The following GAB1 variants were observed in gnomAD, a reference collection of about 807,000 sequenced individuals.
GAB1 encodes the protein GRB2-associated-binding protein 1.
GAB1 carries 19 observed loss-of-function variants against 66.5 expected under a neutral mutation model. The ratio of observed to expected loss-of-function variants is 0.29; its 90% CI spans 0.20 to 0.42. The LOEUF (loss-of-function observed/expected upper bound fraction) is 0.42, where lower values mean the gene tolerates loss of function less well. GAB1 is among the 10% of genes least tolerant of loss of function. GAB1 has a pLI of 1.00. For synonymous variants in GAB1, 294 were observed against 301.4 expected (o/e 0.98, Z 0.25); for missense variants, 732 against 858.5 (o/e 0.85, Z 1.84).
chr4:143,358,066 G>A lies in GAB1; in HGVS notation c.72+20806G>A, dbSNP rs17738451. Among the ~76,000 whole-genome samples, 434 of 152,158 alleles carry A rather than the reference G, an allele frequency of 2.9e-3. 1 individual carries two copies. The highest frequency in any genetic ancestry group is 4.5e-3 in the Non-Finnish European group (306 of 67,986). ...AGAACCTAGGAAAGAACTCCGGTACGTTAAACCAAGCCCTAAATTTTCAAC... is the reference window on the plus strand; with the variant it reads ...AGAACCTAGGAAAGAACTCCGGTACATTAAACCAAGCCCTAAATTTTCAAC... On this transcript the variant is annotated intron_variant, in intron 1 of 9. Coordinates refer to ENST00000262994, the MANE Select transcript of GAB1 (RefSeq NM_002039.4).
At chr4:143,345,936 CA>C (rs1294553960) in intron 1 of GAB1, among the ~76,000 whole-genome samples, 3 of 152,170 alleles carry the variant, frequency 2.0e-5, no homozygotes, top group Non-Finnish European at 2.9e-5. Context: ...CTACATTCCC[CA>C]GGCTGGTCTT....
intron 1 of GAB1, among the ~76,000 whole-genome samples, chr4:143,342,744 G>T (rs1376509180): frequency 6.6e-6 from 1 of 151,370 alleles, no homozygotes; most frequent in Non-Finnish European, 1.5e-5. Context: ...TGTATTTTTA[G>T]TAGAGATGGG....
chr4:143,457,308 A>T (rs1001513906), intron 6 of GAB1, among the ~76,000 whole-genome samples: 1 of 152,184 alleles, frequency 6.6e-6, no homozygotes. Context: ...TATTCTACAA[A>T]TTTTTTATTT....
At chr4:143,467,694 T>G in intron 9 of GAB1, among the ~76,000 whole-genome samples, 1 of 152,188 alleles carries the variant, frequency 6.6e-6, no homozygotes, top group East Asian at 1.9e-4. Context: ...CTATTTGTAT[T>G]TGCTTCTGCT....
chr4:143,373,043 A>AC (rs767593103), intron 1 of GAB1, among the ~76,000 whole-genome samples: 8,054 of 114,106 alleles, frequency 0.071, 248 homozygotes, highest in African/African-American at 0.14. Flanking sequence ...TTTCCTTTAA[A>AC]AACACACACA....
chr4:143,440,263 TTCC>T lies in GAB1; in HGVS notation c.1474_1476del (p.Pro492del), dbSNP rs1734154458. 8 of 1,613,998 alleles carry T rather than the reference TTCC, an allele frequency of 5.0e-6. No individual in the cohort carries two copies. Among genetic ancestry groups the T allele is most frequent in the Non-Finnish European group, 6.8e-6 (8 of 1,180,024 alleles). ...GATTTTTCCTCATTTGGAATGCAAG[TTCC>T]TCCTCCTGCTCATATGGGCTTCAGG... On this transcript the variant is annotated inframe_deletion, in exon 6 of 10. Coordinates refer to ENST00000262994, the MANE Select transcript of GAB1 (RefSeq NM_002039.4).
chr4:143,417,766 A>G (rs1179904611), intron 2 of GAB1, among the ~76,000 whole-genome samples: 4 of 152,140 alleles, frequency 2.6e-5, no homozygotes, highest in African/African-American at 7.2e-5. Flanking sequence ...CTTTTTAAAC[A>G]AACGCTCAAC....
Position 143,471,537 on chromosome 4 carries a change from T to C in GAB1, c.*2348T>C, listed in dbSNP as rs899607258. 1 of 152,228 alleles carries C rather than the reference T, an allele frequency of 6.6e-6. No individual in the cohort carries two copies. Among genetic ancestry groups the C allele is most frequent in the African/African-American group, 2.4e-5 (1 of 41,466 alleles). The allele number at this position is 152,228 out of a possible 1,614,324, so 9.4% of individuals were successfully genotyped here. On this transcript the variant is annotated 3_prime_UTR_variant, in exon 10 of 10. Coordinates refer to ENST00000262994, the MANE Select transcript of GAB1 (RefSeq NM_002039.4). ...CACATTTATGCTTATTCATTTTGGC[T>C]CATTACTAAGCATAATAAGATTCTG...
chr4:143,466,041 A>G (rs1445439915), intron 8 of GAB1, 62 bp from the exon 9 acceptor site: 3 of 1,580,008 alleles, frequency 1.9e-6, no homozygotes, highest in Middle Eastern at 3.4e-4. Context: ...TAGATGTTCA[A>G]CAGTACGAGT....
At chr4:143,379,459 A>G (rs567845618) in intron 1 of GAB1, among the ~76,000 whole-genome samples, 64 of 152,092 alleles carry the variant, frequency 4.2e-4, no homozygotes, top group Non-Finnish European at 7.8e-4. Context: ...GTTAGCAGTG[A>G]TTTTGCATAA....
rs999832810 is a variant in GAB1, at chr4:143,469,801, C to T, written c.*612C>T. 6.6e-6 allele frequency: 1 copy of T among 152,596 alleles called. No individual in the cohort carries two copies. Among genetic ancestry groups the T allele is most frequent in the Non-Finnish European group, 1.5e-5 (1 of 68,072 alleles). The allele number at this position is 152,596 out of a possible 1,614,324, so 9.5% of individuals were successfully genotyped here. A position where few individuals can be genotyped will look rare whatever the true frequency, so the allele number is the denominator to read the frequency against. ...GTACATTTAGTTTTTAATGGTGGAACTTTGTTATATTTTGTTAATTACAGT... is the reference window on the plus strand; with the variant it reads ...GTACATTTAGTTTTTAATGGTGGAATTTTGTTATATTTTGTTAATTACAGT... On this transcript the variant is annotated 3_prime_UTR_variant, in exon 10 of 10. Coordinates refer to ENST00000262994, the MANE Select transcript of GAB1 (RefSeq NM_002039.4).
chr4:143,431,414 G>A (rs186663965), intron 2 of GAB1, among the ~76,000 whole-genome samples: 1 of 152,270 alleles, frequency 6.6e-6, no homozygotes, highest in East Asian at 1.9e-4. Flanking sequence ...CAAGACCCAG[G>A]AAGAGAAAAA....
intron 1 of GAB1, chr4:143,395,979 A>G (rs560205412): frequency 4.2e-5 from 19 of 455,980 alleles, no homozygotes; most frequent in South Asian, 2.8e-4. Context: ...AGGAGAGGGC[A>G]TATGGATGAG....
At chr4:143,392,023 C>G (rs62337528) in intron 1 of GAB1, among the ~76,000 whole-genome samples, 6 of 152,054 alleles carry the variant, frequency 3.9e-5, no homozygotes, top group Non-Finnish European at 7.4e-5. Flanking sequence ...TTAAAATCTG[C>G]GATTTTATTC....
At chr4:143,462,193 T>G (rs1486872152) in intron 8 of GAB1, among the ~76,000 whole-genome samples, 1 of 152,234 alleles carries the variant, frequency 6.6e-6, no homozygotes, top group African/African-American at 2.4e-5. Context: ...TAGACACTTT[T>G]GCTTTTGTAT....
chr4:143,355,153 T>G (rs1351112711), intron 1 of GAB1, among the ~76,000 whole-genome samples: 3 of 152,122 alleles, frequency 2.0e-5, no homozygotes, highest in Non-Finnish European at 4.4e-5. Flanking sequence ...AAGAAAAACA[T>G]TTTTTACTCT....
Position 143,408,405 on chromosome 4 carries a change from T to G in GAB1, c.73-7072T>G, listed in dbSNP as rs771247288. ...AGTTATCAGAGTTAACAACTTAGTA[T>G]GTGTCCTTCCAGACCTGTTCTCTAA... is the stretch of plus-strand genomic sequence containing the variant. On this transcript the variant is annotated intron_variant, in intron 1 of 9. Transcript: ENST00000262994. 1.5e-3 allele frequency among the ~76,000 whole-genome samples: 235 copies of G among 152,208 alleles called. 3 individuals are homozygous for G. Among genetic ancestry groups the G allele is most frequent in the Non-Finnish European group, 2.9e-4 (20 of 68,020 alleles).
chr4:143,367,961 TCAGTCCATCCGCCTCAGC>T (rs1581233979), intron 1 of GAB1, among the ~76,000 whole-genome samples: 2 of 151,926 alleles, frequency 1.3e-5, no homozygotes, highest in Non-Finnish European at 1.5e-5. Flanking sequence ...CTGACCTCAG[TCAGTCCATCCGCCTCAGC>T]CTCCCAAAGT....
intron 1 of GAB1, among the ~76,000 whole-genome samples, chr4:143,415,211 C>T (rs1732616042): frequency 1.3e-5 from 2 of 152,074 alleles, no homozygotes; most frequent in Admixed American, 1.3e-4. Flanking sequence ...CTGAATCCTC[C>T]TTGATGTATT....
Sources: allele counts gnomAD v4.1 joint callset (sites outside exome capture counted in the v4.1 genomes callset), GRCh38; gene constraint gnomAD v4.1.1; transcripts MANE v1.5; gene names NCBI Gene and HGNC (gene_info 2026-07-23, HGNC 2026-07-21).